The following PRRC2B variants were observed in gnomAD, a reference collection of about 807,000 sequenced individuals.
PRRC2B encodes the protein proline rich coiled-coil 2B.
In PRRC2B, 68 loss-of-function variants were observed where a neutral mutation model predicts 242.3. The observed-to-expected ratio is 0.28, with a 90% CI of 0.23 to 0.34. PRRC2B has a LOEUF of 0.34. Among genes scored for constraint, PRRC2B ranks in the 10% least tolerant of loss-of-function variants. The pLI is 1.00. For missense variants in PRRC2B, 2,835 were observed against 2,954.8 expected (o/e 0.96, Z 0.94); for synonymous variants, 1,228 against 1,173.6 (o/e 1.05, Z -0.95).
chr9:131,443,071 C>A (rs1838657261), intron 5 of PRRC2B, among the ~76,000 whole-genome samples: 1 of 151,900 alleles, frequency 6.6e-6, no homozygotes, highest in Non-Finnish European at 1.5e-5. Flanking sequence ...CTGATCTTAC[C>A]ACATTTGATG....
In PRRC2B at chr9:131,446,268, T is replaced by G; in HGVS notation, c.614-133T>G. 9.0e-7 allele frequency: 1 copy of G among 1,116,594 alleles called. No homozygotes were observed. The highest frequency in any genetic ancestry group is 1.6e-5 in the African/African-American group (1 of 63,836). The allele number at this position is 1,116,594 out of a possible 1,614,324, so 69.2% of individuals were successfully genotyped here. A position where few individuals can be genotyped will look rare whatever the true frequency, so the allele number is the denominator to read the frequency against. On this transcript the variant is annotated intron_variant, in intron 6 of 31. Transcript: ENST00000683519. The surrounding 1 kb of genome is among the most constrained non-coding windows in gnomAD (Gnocchi z 4.1). ...CTTCCCTGACAGATTTAACAGTTCT[T>G]CACTTTTGGTGTTTTTTGTTTTTCA... is the stretch of plus-strand genomic sequence containing the variant.
chr9:131,391,484 A>G (rs1277248690), upstream of PRRC2B, among the ~76,000 whole-genome samples: 1 of 152,046 alleles, frequency 6.6e-6, no homozygotes, highest in African/African-American at 2.4e-5. Context: ...CCTTAACTTC[A>G]TCCCATCTAC....
rs368120869 is a variant in PRRC2B, at chr9:131,479,321, T to C, written c.4828T>C (p.Cys1610Arg). The C allele has an allele frequency of 1.5e-5, 24 of 1,613,854 alleles. 1 individual carries two copies. Among genetic ancestry groups the C allele is most frequent in the Middle Eastern group, 1.6e-4 (1 of 6,084 alleles). ...PRFAKKQNNLCLEQGDVTVPG... is the reference protein window; with the variant it reads ...PRFAKKQNNLRLEQGDVTVPG... Reference sequence around the variant, plus strand: ...ATTTGCAAAAAAGCAGAACAACTTATGTCTGGAGCAAGGTGACGTGACCGT... The same window carrying C: ...ATTTGCAAAAAAGCAGAACAACTTACGTCTGGAGCAAGGTGACGTGACCGT... Residue 1610 changes from cysteine to arginine, a missense_variant, in exon 19 of 32, where the codon TGT becomes CGT. Transcript: ENST00000683519.
chr9:131,475,978 C>T lies in PRRC2B; in HGVS notation c.3849C>T (p.Phe1283=). The change falls in exon 16 of 32, where the codon TTC becomes TTT. Residue 1283 remains phenylalanine, a synonymous_variant. Transcript: ENST00000683519. The part of the protein sequence containing the change: ...DSRAEDKRSF[F]QDEHVADSEN... ...GCGCGGAGGACAAGAGATCCTTCTTCCAAGATGAACACGTGGCAGATTCTG... is the reference window on the plus strand; with the variant it reads ...GCGCGGAGGACAAGAGATCCTTCTTTCAAGATGAACACGTGGCAGATTCTG... 6.2e-7 allele frequency: 1 copy of T among 1,610,626 alleles called. No homozygotes were observed. Among genetic ancestry groups the T allele is most frequent in the East Asian group, 2.2e-5 (1 of 44,802 alleles).
At position 131,430,192 on chromosome 9, in the gene PRRC2B, C is replaced by CAAGT; in HGVS notation, c.50_53dup (p.Tyr18Ter). On this transcript the variant is annotated frameshift_variant, in exon 2 of 32. Coordinates refer to ENST00000683519, the MANE Select transcript of PRRC2B (RefSeq NM_013318.4). LOFTEE classifies it high-confidence loss of function. ...TTACCAAGGGCAAGGATGGGAAAAG[C>CAAGT]AAGTACTCGACTCTCAGCCTGTTTG... 1 of 1,608,312 alleles carries CAAGT rather than the reference C, an allele frequency of 6.2e-7. No homozygotes were observed. The highest frequency in any genetic ancestry group is 8.5e-7 in the Non-Finnish European group (1 of 1,177,520).
chr9:131,446,281 T>A lies in PRRC2B; in HGVS notation c.614-120T>A, dbSNP rs1838796715. ...TTTAACAGTTCTTCACTTTTGGTGT[T>A]TTTTGTTTTTCATTTTATTTTTTTG... On this transcript the variant is annotated intron_variant, in intron 6 of 31. Coordinates refer to ENST00000683519, the MANE Select transcript of PRRC2B (RefSeq NM_013318.4). This position sits in a 1 kb window ranked among gnomAD's most constrained non-coding sequence, Gnocchi z 4.1. The A allele has an allele frequency of 4.0e-6, 5 of 1,252,210 alleles. No individual in the cohort carries two copies. The highest frequency in any genetic ancestry group is 1.1e-6 in the Non-Finnish European group (1 of 917,948). The allele number at this position is 1,252,210 out of a possible 1,614,324, so 77.6% of individuals were successfully genotyped here.
chr9:131,474,559 G>C lies in PRRC2B; in HGVS notation c.2430G>C (p.Lys810Asn). The change falls in exon 16 of 32, where the codon AAG becomes AAC. Residue 810 changes from lysine to asparagine, a missense_variant. Around this residue, in one of 7 missense-constraint regions of PRRC2B, gnomAD observed 1,536 missense variants for 1,483.1 expected, o/e 1.04. Coordinates refer to ENST00000683519, the MANE Select transcript of PRRC2B (RefSeq NM_013318.4). ...AGGAGTACTTGAGTGCTTTTGACAAGAAGGCCCAAGCAGACTTTGACAGCT... is the reference window on the plus strand; with the variant it reads ...AGGAGTACTTGAGTGCTTTTGACAACAAGGCCCAAGCAGACTTTGACAGCT... ...RGEEYLSAFD[K>N]KAQADFDSCI... The C allele has an allele frequency of 6.2e-7, 1 of 1,613,992 alleles. No individual in the cohort carries two copies. The highest frequency in any genetic ancestry group is 8.5e-7 in the Non-Finnish European group (1 of 1,179,896).
At chr9:131,489,447 C>T (rs1403732651) in intron 28 of PRRC2B, among the ~76,000 whole-genome samples, 1 of 152,134 alleles carries the variant, frequency 6.6e-6, no homozygotes, top group African/African-American at 2.4e-5. Context: ...TCCCAAAGTG[C>T]TGGGATTACA....
chr9:131,440,024 A>C (rs952238418), intron 5 of PRRC2B, among the ~76,000 whole-genome samples: 11 of 151,766 alleles, frequency 7.2e-5, no homozygotes, highest in Admixed American at 5.3e-4. Context: ...TGGGGCTGGG[A>C]TCACAGGCGC....
chr9:131,434,708 C>A (rs901958426), intron 3 of PRRC2B, among the ~76,000 whole-genome samples: 6 of 152,310 alleles, frequency 3.9e-5, no homozygotes, highest in Admixed American at 3.9e-4. Context: ...TACAGATAAG[C>A]CACTTGTATT....
At chr9:131,474,423 G>A (rs779100730) in intron 15 of PRRC2B, 31 bp from the exon 16 acceptor site, 76 of 1,567,734 alleles carry the variant, frequency 4.8e-5, no homozygotes, top group Non-Finnish European at 6.2e-5. Flanking sequence ...GGCTCCAATC[G>A]CATTGACTGA....
At position 131,377,387 on chromosome 9, in the gene PRRC2B, A is replaced by G. The variant is rs150087912; in HGVS notation, c.-56+3656A>G. Among the ~76,000 whole-genome samples, 412 of 152,318 alleles carry G rather than the reference A, an allele frequency of 2.7e-3. 3 individuals carry two copies. The highest frequency in any genetic ancestry group is 3.7e-3 in the South Asian group (18 of 4,832). On this transcript the variant is annotated intron_variant, in intron 1 of 1. Transcript: ENST00000682525. ...CTCAGCCTCCCAAAGTGTTGGGTTTACAGGCGTGAGCCACTGCTCCTGGCC... is the reference window on the plus strand; with the variant it reads ...CTCAGCCTCCCAAAGTGTTGGGTTTGCAGGCGTGAGCCACTGCTCCTGGCC...
rs949988212 is a variant in PRRC2B at position 131,475,951 on chromosome 9, C to A, written c.3822C>A (p.Ser1274Arg). The A allele has an allele frequency of 1.2e-6, 2 of 1,613,638 alleles. No homozygotes were observed. Among genetic ancestry groups the A allele is most frequent in the Non-Finnish European group, 1.7e-6 (2 of 1,179,624 alleles). The part of the protein sequence containing the change: ...DAFGGRGFED[S>R]RAEDKRSFFQ... ...TTGGTGGCCGGGGCTTTGAGGACAG[C>A]CGCGCGGAGGACAAGAGATCCTTCT... The change falls in exon 16 of 32, where the codon AGC becomes AGA. Residue 1274 changes from serine to arginine, a missense_variant. Coordinates refer to ENST00000683519, the MANE Select transcript of PRRC2B (RefSeq NM_013318.4).
At position 131,467,835 on chromosome 9, in the gene PRRC2B, C is replaced by T. The variant is rs1179186138; in HGVS notation, c.1911+82C>T. On this transcript the variant is annotated intron_variant, in intron 13 of 31. Coordinates refer to ENST00000683519, the MANE Select transcript of PRRC2B (RefSeq NM_013318.4). ...GTTTCCCCTCCTCGTCCCCATGCCC[C>T]ACCTCCAACTTAGAAAAAGGCCAGA... 11 of 1,414,292 alleles carry T rather than the reference C, an allele frequency of 7.8e-6. No homozygotes were observed. In the African/African-American group the frequency reaches 8.5e-5, roughly 11 times the overall value. 87.6% of individuals were successfully genotyped at this position (1,414,292 alleles called of 1,614,324 possible). A position where few individuals can be genotyped will look rare whatever the true frequency, so the allele number is the denominator to read the frequency against.
At chr9:131,383,857 G>A (rs548126527) in intron 1 of PRRC2B, among the ~76,000 whole-genome samples, 7 of 151,910 alleles carry the variant, frequency 4.6e-5, no homozygotes, top group South Asian at 2.1e-4. Flanking sequence ...TCTTGACCTC[G>A]TAATCCACCC....
intron 1 of PRRC2B, among the ~76,000 whole-genome samples, chr9:131,378,793 C>T (rs182318538): frequency 2.0e-5 from 3 of 152,086 alleles, no homozygotes; most frequent in African/African-American, 4.8e-5. Context: ...GATTTTTGGC[C>T]CACTGCAAAC....
In PRRC2B at chr9:131,467,722, G is replaced by A. The variant is rs780208692; in HGVS notation, c.1880G>A (p.Arg627Gln). The A allele has an allele frequency of 3.1e-6, 5 of 1,613,790 alleles. No homozygotes were observed. The highest frequency in any genetic ancestry group is 4.2e-6 in the Non-Finnish European group (5 of 1,179,888). The part of the protein sequence containing the change: ...EFKYQKSLPP[R>Q]FQRQQQQQQQ... ...AAGTATCAGAAGTCCCTTCCTCCCC[G>A]ATTCCAGCGCCAGCAGCAGCAACAA... is the stretch of plus-strand genomic sequence containing the variant. Residue 627 changes from arginine to glutamine, a missense_variant, in exon 13 of 32, where the codon CGA (arginine) becomes CAA (glutamine). Coordinates refer to ENST00000683519, the MANE Select transcript of PRRC2B (RefSeq NM_013318.4).
intron 10 of PRRC2B, among the ~76,000 whole-genome samples, chr9:131,458,319 G>A (rs1943142069): frequency 6.6e-6 from 1 of 152,082 alleles, no homozygotes; most frequent in South Asian, 2.1e-4. Flanking sequence ...CCTGTGAGGG[G>A]TGCCCCGTTA....
rs577537419 is a variant in PRRC2B at position 131,430,096 on chromosome 9, C to T, written c.-49C>T. 3.8e-5 allele frequency: 33 copies of T among 866,448 alleles called. No homozygotes were observed. Among genetic ancestry groups the T allele is most frequent in the Admixed American group, 9.1e-5 (4 of 43,798 alleles). The allele number at this position is 866,448 out of a possible 1,614,324, so 53.7% of individuals were successfully genotyped here. A position where few individuals can be genotyped will look rare whatever the true frequency, so the allele number is the denominator to read the frequency against. ...TTTCTTCTCTATTTCAAAGGCAGAT[C>T]GGGAGCGGTGCCGAGAAAAATTTCC... On this transcript the variant is annotated splice_region_variant and 5_prime_UTR_variant, in exon 2 of 32. Transcript: ENST00000683519.
Sources: allele counts gnomAD v4.1 joint callset (sites outside exome capture counted in the v4.1 genomes callset), GRCh38; gene constraint gnomAD v4.1.1; regional missense constraint gnomAD v4.1.1; non-coding constraint Gnocchi (gnomAD v3.1); transcripts MANE v1.5; gene names NCBI Gene and HGNC (gene_info 2026-07-23, HGNC 2026-07-21).